The following SLC44A5 variants were observed in gnomAD, a reference collection of about 807,000 sequenced individuals.
SLC44A5 encodes choline transporter-like protein 5.
In SLC44A5, 57 loss-of-function variants were observed where a neutral mutation model predicts 101.8. The ratio of observed to expected loss-of-function variants is 0.56; its 90% CI spans 0.45 to 0.70. SLC44A5 has a LOEUF of 0.70. SLC44A5 is among the 30% of genes least tolerant of loss of function. The pLI is 0.00. For synonymous variants in SLC44A5, 281 were observed against 290.9 expected, an observed-to-expected ratio of 0.97 and a Z score of 0.35; for missense variants, 737 against 853.1, an observed-to-expected ratio of 0.86 and a Z score of 1.70.
chr1:75,568,397 A>T (rs1672898578), intron 1 of SLC44A5, among the ~76,000 whole-genome samples: 1 of 152,218 alleles, frequency 6.6e-6, no homozygotes, highest in South Asian at 2.1e-4. Context: ...AGATGGTTAG[A>T]AATAGTGAGA....
intron 1 of SLC44A5, among the ~76,000 whole-genome samples, chr1:75,554,939 T>A (rs1229690009): frequency 6.7e-6 from 1 of 149,544 alleles, no homozygotes; most frequent in Admixed American, 6.6e-5. Flanking sequence ...ATAGAGAAAA[T>A]AAAATGGAAC....
At chr1:75,537,432 C>T (rs1022880906) in intron 2 of SLC44A5, among the ~76,000 whole-genome samples, 5 of 152,144 alleles carry the variant, frequency 3.3e-5, no homozygotes, top group Non-Finnish European at 7.4e-5. Context: ...TATCTGTCTT[C>T]TAGAGCCTGC....
chr1:75,317,722 G>A (rs1655804044), intron 4 of SLC44A5, among the ~76,000 whole-genome samples: 1 of 152,164 alleles, frequency 6.6e-6, no homozygotes, highest in Non-Finnish European at 1.5e-5. Flanking sequence ...AGGTTCTGGT[G>A]AGGGGCTTCT....
chr1:75,227,783 C>A lies in SLC44A5; in HGVS notation c.928G>T (p.Gly310Trp). ...TACATGCTTATGTTAGTCTGAATCC[C>A]GATGTCATAGATAGTTAATACAGAA... ...PSSVLTIYDI[G>W]IQTNISMYFE... The change falls in exon 13 of 24, where the codon GGG becomes TGG. Residue 310 changes from glycine to tryptophan, a missense_variant. Coordinates refer to ENST00000370859, the MANE Select transcript of SLC44A5 (RefSeq NM_001130058.2). The A allele has an allele frequency of 1.9e-6, 3 of 1,593,482 alleles. No individual in the cohort carries two copies. The highest frequency in any genetic ancestry group is 2.6e-6 in the Non-Finnish European group (3 of 1,173,764).
chr1:75,670,394 C>G, the SLC44A5 span, among the ~76,000 whole-genome samples: 1 of 152,024 alleles, frequency 6.6e-6, no homozygotes, highest in Non-Finnish European at 1.5e-5. Context: ...CTAGACAACA[C>G]AAAATGAAAT....
chr1:75,613,222 G>C (rs1426351918), upstream of SLC44A5, among the ~76,000 whole-genome samples: 1 of 152,156 alleles, frequency 6.6e-6, no homozygotes, highest in Non-Finnish European at 1.5e-5. Flanking sequence ...ACACAGCATG[G>C]AATATTGCTA....
At chr1:75,282,365 A>T (rs1652675676) in intron 5 of SLC44A5, among the ~76,000 whole-genome samples, 1 of 152,144 alleles carries the variant, frequency 6.6e-6, no homozygotes, top group African/African-American at 2.4e-5. Flanking sequence ...CTTGCTTTTG[A>T]TTTAACAGGT....
At chr1:75,402,405 C>A in intron 2 of SLC44A5, 1 of 377,552 alleles carries the variant, frequency 2.6e-6, no homozygotes, top group South Asian at 1.9e-5. Context: ...GCAAGATGGC[C>A]AAATAGAAAC....
At chr1:75,205,290 A>G (rs10493560) in intron 23 of SLC44A5, 14,074 of 152,220 alleles carry the variant, frequency 0.092, 942 homozygotes, top group African/African-American at 0.18. Context: ...TCTTGGATAT[A>G]TGAGTGATAT....
chr1:75,237,867 G>T (rs1053556193), intron 10 of SLC44A5, among the ~76,000 whole-genome samples: 1 of 152,004 alleles, frequency 6.6e-6, no homozygotes, highest in South Asian at 2.1e-4. Flanking sequence ...TAAATTTTTA[G>T]AATATCTTTT....
chr1:75,255,829 A>G (rs1479766773), intron 6 of SLC44A5, among the ~76,000 whole-genome samples: 1 of 152,166 alleles, frequency 6.6e-6, no homozygotes, highest in East Asian at 1.9e-4. Flanking sequence ...GACATTCTGG[A>G]TAACAAAAAT....
chr1:75,395,449 T>C (rs17096808), intron 3 of SLC44A5, among the ~76,000 whole-genome samples: 4,744 of 152,260 alleles, frequency 0.031, 247 homozygotes, highest in African/African-American at 0.11. Context: ...CAAAAGTTTC[T>C]ATTACCTACC....
intron 2 of SLC44A5, among the ~76,000 whole-genome samples, chr1:75,400,810 A>T (rs1662430043): frequency 6.6e-6 from 1 of 152,190 alleles, no homozygotes; most frequent in African/African-American, 2.4e-5. Flanking sequence ...TATGTCTGTG[A>T]GTAGAGAGAA....
At chr1:75,664,778 G>A in the SLC44A5 span, among the ~76,000 whole-genome samples, 8 of 151,908 alleles carry the variant, frequency 5.3e-5, no homozygotes, top group Middle Eastern at 3.4e-3. Flanking sequence ...AAAATTAGCC[G>A]GGTGTGGTGG....
At chr1:75,604,445 G>A (rs1675200023) in intron 1 of SLC44A5, among the ~76,000 whole-genome samples, 1 of 152,102 alleles carries the variant, frequency 6.6e-6, no homozygotes, top group Non-Finnish European at 1.5e-5. Flanking sequence ...GCCAGGTAAT[G>A]TGATGCTTCT....
chr1:75,697,607 C>T, the SLC44A5 span, among the ~76,000 whole-genome samples: 5 of 152,178 alleles, frequency 3.3e-5, no homozygotes, highest in African/African-American at 4.8e-5. Flanking sequence ...AGCAACACGG[C>T]GAAACTGTCT....
At chr1:75,518,094 A>G (rs1669932338) in intron 2 of SLC44A5, among the ~76,000 whole-genome samples, 1 of 152,236 alleles carries the variant, frequency 6.6e-6, no homozygotes, top group South Asian at 2.1e-4. Context: ...ATTGGCAAAT[A>G]TTGGCCATAA....
chr1:75,604,094 A>G (rs935839162), intron 1 of SLC44A5, among the ~76,000 whole-genome samples: 1 of 152,038 alleles, frequency 6.6e-6, no homozygotes, highest in African/African-American at 2.4e-5. Flanking sequence ...CCCAAAGTCA[A>G]TGTCCAGAAT....
chr1:75,491,726 C>CACAT (rs1668434954), intron 2 of SLC44A5, among the ~76,000 whole-genome samples: 1 of 146,394 alleles, frequency 6.8e-6, no homozygotes, highest in African/African-American at 2.6e-5. Context: ...CAAGCACGCA[C>CACAT]GCACGCACAC....
Sources: gnomAD v4.1 joint callset for allele counts (sites outside exome capture counted in the v4.1 genomes callset) on GRCh38, gnomAD v4.1.1 for gene constraint, MANE v1.5 for transcripts, NCBI Gene and HGNC (gene_info 2026-07-23, HGNC 2026-07-21) for gene names.